ENTREP2: variants seen among roughly 807,000 people sequenced by gnomAD.
ENTREP2 encodes the protein protein ENTREP2.
At chr15:29,525,048 G>A in the ENTREP2 span, among the ~76,000 whole-genome samples, 1 of 152,216 alleles carries the variant, frequency 6.6e-6, no homozygotes, top group African/African-American at 2.4e-5. Flanking sequence ...GGTTGGGTGT[G>A]AGCTGAGTTA....
At chr15:29,475,896 C>T in the ENTREP2 span, among the ~76,000 whole-genome samples, 1 of 152,216 alleles carries the variant, frequency 6.6e-6, no homozygotes, top group Non-Finnish European at 1.5e-5. Context: ...AGGTCTCCTA[C>T]TTCCCTGCCC....
At chr15:29,174,702 C>CAAAAAAAAAAAAAAAAA in the ENTREP2 span, among the ~76,000 whole-genome samples, 1 of 115,968 alleles carries the variant, frequency 8.6e-6, no homozygotes, top group South Asian at 2.8e-4. Flanking sequence ...CAAAACAAAA[C>CAAAAAAAAAAAAAAAAA]AAAACAACAA....
At chr15:29,125,692 C>T in the ENTREP2 span, among the ~76,000 whole-genome samples, 20 of 152,330 alleles carry the variant, frequency 1.3e-4, 1 homozygote, top group African/African-American at 4.8e-4. Context: ...AGTTCTCCAG[C>T]GCCGGGGGTG....
the ENTREP2 span, chr15:29,610,771 A>T: frequency 6.6e-6 from 1 of 150,436 alleles, no homozygotes; most frequent in Non-Finnish European, 1.5e-5. Context: ...GAAGGCATCC[A>T]AGCTGAGTCT....
chr15:29,557,836 C>T, the ENTREP2 span, among the ~76,000 whole-genome samples: 1 of 152,194 alleles, frequency 6.6e-6, no homozygotes, highest in East Asian at 1.9e-4. Flanking sequence ...TGGGAACTCT[C>T]AGGAATTGTC....
At chr15:29,269,722 G>A in the ENTREP2 span, 31 of 1,503,364 alleles carry the variant, frequency 2.1e-5, no homozygotes, top group Non-Finnish European at 2.6e-5. Flanking sequence ...GGCGGCAGGT[G>A]CCGGCGCACA....
chr15:29,444,185 A>C, the ENTREP2 span, among the ~76,000 whole-genome samples: 2,236 of 80,944 alleles, frequency 0.028, 197 homozygotes, highest in Non-Finnish European at 0.029. Flanking sequence ...AAAGAAAGAA[A>C]GAAAGAAAGA....
the ENTREP2 span, among the ~76,000 whole-genome samples, chr15:29,335,867 C>T: frequency 5.3e-5 from 8 of 151,874 alleles, no homozygotes; most frequent in South Asian, 1.5e-3. Context: ...TGGGGCTGGA[C>T]GCAGTGGCTC....
At chr15:29,512,910 T>G in the ENTREP2 span, among the ~76,000 whole-genome samples, 1 of 152,204 alleles carries the variant, frequency 6.6e-6, no homozygotes, top group Non-Finnish European at 1.5e-5. Context: ...CTCTATAGTT[T>G]GGTTCTGTTG....
the ENTREP2 span, among the ~76,000 whole-genome samples, chr15:29,570,346 G>T: frequency 6.6e-6 from 1 of 151,728 alleles, no homozygotes; most frequent in Non-Finnish European, 1.5e-5. Context: ...GAGTTATTCT[G>T]CTCGGAGTTT....
the ENTREP2 span, among the ~76,000 whole-genome samples, chr15:29,358,115 G>A: frequency 6.6e-6 from 1 of 152,204 alleles, no homozygotes; most frequent in Non-Finnish European, 1.5e-5. Context: ...TGTACCTGAG[G>A]AGACGGGCAT....
chr15:29,653,893 G>A, the ENTREP2 span, among the ~76,000 whole-genome samples: 3 of 152,162 alleles, frequency 2.0e-5, no homozygotes, highest in Admixed American at 6.5e-5. Flanking sequence ...AAATCGGAAA[G>A]AATCTGGATT....
the ENTREP2 span, among the ~76,000 whole-genome samples, chr15:29,260,082 C>G: frequency 6.6e-6 from 1 of 152,150 alleles, no homozygotes; most frequent in Admixed American, 6.5e-5. Flanking sequence ...GAGACTGAAT[C>G]AGGAATCAAA....
chr15:29,271,705 T>C, the ENTREP2 span, among the ~76,000 whole-genome samples: 1 of 152,198 alleles, frequency 6.6e-6, no homozygotes, highest in Non-Finnish European at 1.5e-5. Context: ...CCCTTTCATG[T>C]AAAATCTTTA....
chr15:29,399,037 G>A, the ENTREP2 span, among the ~76,000 whole-genome samples: 2 of 152,192 alleles, frequency 1.3e-5, no homozygotes, highest in South Asian at 4.1e-4. Flanking sequence ...AAGAAGTTGT[G>A]CTGCTGGCCT....
At chr15:29,457,891 G>C in the ENTREP2 span, among the ~76,000 whole-genome samples, 1 of 152,140 alleles carries the variant, frequency 6.6e-6, no homozygotes, top group Non-Finnish European at 1.5e-5. Context: ...TAGCCTGCAG[G>C]ATGAGGCACG....
the ENTREP2 span, among the ~76,000 whole-genome samples, chr15:29,560,225 T>A: frequency 1.3e-5 from 2 of 152,136 alleles, no homozygotes; most frequent in Admixed American, 6.5e-5. Context: ...TGAATGGTGG[T>A]TCCACTCCTT....
chr15:29,124,239 G>GT, the ENTREP2 span, among the ~76,000 whole-genome samples: 3 of 152,210 alleles, frequency 2.0e-5, no homozygotes, highest in Non-Finnish European at 4.4e-5. Context: ...GAGGGTCCCT[G>GT]TAAGACGGCC....
At chr15:29,140,161 A>G in the ENTREP2 span, among the ~76,000 whole-genome samples, 6 of 151,834 alleles carry the variant, frequency 4.0e-5, no homozygotes, top group Non-Finnish European at 8.8e-5. Context: ...AGCCTTCCAC[A>G]CCCAAGTAAC....
Sources: allele counts gnomAD v4.1 joint callset (sites outside exome capture counted in the v4.1 genomes callset), GRCh38; gene constraint gnomAD v4.1.1; transcripts MANE v1.5; gene names NCBI Gene and HGNC (gene_info 2026-07-23, HGNC 2026-07-21).